The following MAP4K5 variants were observed in gnomAD, a reference collection of about 807,000 sequenced individuals.
MAP4K5 encodes MAPK/ERK kinase kinase kinase 5.
Under a neutral mutation model 135.6 loss-of-function variants are expected in MAP4K5, and 82 were observed. That is an observed-to-expected ratio of 0.60 (90% CI 0.51 to 0.73). The LOEUF (loss-of-function observed/expected upper bound fraction) is 0.73, where lower values mean the gene tolerates loss of function less well. MAP4K5 is among the 30% of genes least tolerant of loss of function. The pLI is 0.00. For synonymous variants in MAP4K5, 347 were observed against 335.0 expected (o/e 1.04, Z -0.39); for missense variants, 907 against 1,010.9 (o/e 0.90, Z 1.39).
In MAP4K5 at chr14:50,532,024, G is replaced by C. The variant is rs1487975784; in HGVS notation, c.26C>G (p.Ala9Gly). 7.6e-6 allele frequency: 12 copies of C among 1,583,214 alleles called. No homozygotes were observed. Among genetic ancestry groups the C allele is most frequent in the Admixed American group, 5.3e-5 (3 of 56,970 alleles). Residue 9 changes from alanine to glycine, a missense_variant, in exon 2 of 33, where the codon GCG (alanine) becomes GGG (glycine). Physicochemically the swap from Ala to Gly is moderately conservative, Grantham distance 60. Transcript: ENST00000682126. ...CTGCGGGTTCCGCCTCAGGATGTCC[G>C]CGGCAGGCCGCAGCGGGGCCTCCAT... MEAPLRPA[A>G]DILRRNPQQD...
intron 14 of MAP4K5, among the ~76,000 whole-genome samples, chr14:50,455,776 C>A (rs1161680567): frequency 6.6e-6 from 1 of 151,886 alleles, no homozygotes; most frequent in East Asian, 1.9e-4. Context: ...AGTCATAAAC[C>A]TTATTTTAAT....
chr14:50,529,187 A>G (rs1403748155), intron 2 of MAP4K5, among the ~76,000 whole-genome samples: 1 of 152,046 alleles, frequency 6.6e-6, no homozygotes, highest in Non-Finnish European at 1.5e-5. Flanking sequence ...GTTCGAGACC[A>G]GACTGGGAAA....
chr14:50,431,283 A>G (rs1280145338), intron 28 of MAP4K5, among the ~76,000 whole-genome samples: 1 of 152,120 alleles, frequency 6.6e-6, no homozygotes, highest in East Asian at 1.9e-4. Context: ...TTTAAGTTTT[A>G]GGGTACATGT....
At chr14:50,510,254 G>A (rs550028761) in intron 2 of MAP4K5, among the ~76,000 whole-genome samples, 2 of 152,286 alleles carry the variant, frequency 1.3e-5, no homozygotes, top group South Asian at 4.1e-4. Flanking sequence ...AATTAATTCT[G>A]ATTTTAGTCA....
chr14:50,490,512 T>C (rs2037461087), intron 3 of MAP4K5, among the ~76,000 whole-genome samples: 1 of 152,182 alleles, frequency 6.6e-6, no homozygotes, highest in Admixed American at 6.5e-5. Context: ...GCCTCCAACA[T>C]AGTGTTTCAA....
At chr14:50,513,976 C>G (rs1595534225) in intron 2 of MAP4K5, among the ~76,000 whole-genome samples, 1 of 152,324 alleles carries the variant, frequency 6.6e-6, no homozygotes, top group East Asian at 1.9e-4. Flanking sequence ...TACAAAGTAG[C>G]TGATTAATCC....
At chr14:50,420,148 A>T in intron 32 of MAP4K5, 42 bp from the exon 33 acceptor site, 1 of 1,039,236 alleles carries the variant, frequency 9.6e-7, no homozygotes, top group Non-Finnish European at 1.5e-6. Context: ...GTAACTACAG[A>T]TTTCATACAT....
At chr14:50,514,103 A>G (rs1013458325) in intron 2 of MAP4K5, among the ~76,000 whole-genome samples, 1 of 152,108 alleles carries the variant, frequency 6.6e-6, no homozygotes, top group Non-Finnish European at 1.5e-5. Context: ...TTTGAGGCCG[A>G]GTCTTGCTCT....
rs1444629394 is a variant in MAP4K5, at chr14:50,479,185, TC to T, written c.379-2880del. Reference sequence around the variant, plus strand: ...TTTCTCTTTGTCTCTTCATTCTCTCTCTTTTTTTTTTTCTCATTTTTGTCCC... The same window carrying T: ...TTTCTCTTTGTCTCTTCATTCTCTCTTTTTTTTTTTTCTCATTTTTGTCCC... On this transcript the variant is annotated intron_variant, in intron 6 of 32. Coordinates refer to ENST00000682126, the MANE Select transcript of MAP4K5 (RefSeq NM_006575.6). Among the ~76,000 whole-genome samples the T allele has an allele frequency of 2.7e-4, 5 of 18,484 alleles. No individual in the cohort carries two copies. In the Non-Finnish European group the frequency reaches 6.6e-3, roughly 24 times the overall value. 12.1% of individuals were successfully genotyped at this position (18,484 alleles called of 152,430 possible).
intron 23 of MAP4K5, among the ~76,000 whole-genome samples, chr14:50,439,270 CA>C (rs1036052877): frequency 6.9e-6 from 1 of 145,082 alleles, no homozygotes; most frequent in Non-Finnish European, 1.5e-5. Context: ...AAGCAATCAG[CA>C]AACTTCTTGG....
chr14:50,449,061 G>C, intron 14 of MAP4K5: 1 of 441,244 alleles, frequency 2.3e-6, no homozygotes, highest in Non-Finnish European at 4.0e-6. Flanking sequence ...TTTGGAATCA[G>C]GAAATTAAAC....
Position 50,498,055 on chromosome 14 carries a change from G to A in MAP4K5, c.166+6745C>T, listed in dbSNP as rs2037631037. 2.0e-5 allele frequency among the ~76,000 whole-genome samples: 3 copies of A among 152,182 alleles called. No individual in the cohort carries two copies. The South Asian group carries it at 6.2e-4, about 32-fold the overall frequency. ...GATGGTAAGTTTTCCCACAAACTTTGTTCCTGCTCTGGCTGTTGGCCACCA... is the reference window on the plus strand; with the variant it reads ...GATGGTAAGTTTTCCCACAAACTTTATTCCTGCTCTGGCTGTTGGCCACCA... On this transcript the variant is annotated intron_variant, in intron 3 of 32. Transcript: ENST00000682126.
At chr14:50,515,208 C>G (rs968420148) in intron 2 of MAP4K5, among the ~76,000 whole-genome samples, 2 of 152,054 alleles carry the variant, frequency 1.3e-5, no homozygotes, top group South Asian at 4.2e-4. Flanking sequence ...AGCCAGTCAT[C>G]CTTATTCTTT....
Position 50,476,122 on chromosome 14 carries a change from A to G in MAP4K5, c.469+6T>C, listed in dbSNP as rs757581202. 2 of 1,454,136 alleles carry G rather than the reference A, an allele frequency of 1.4e-6. No individual in the cohort carries two copies. Among genetic ancestry groups the G allele is most frequent in the South Asian group, 3.0e-5 (2 of 67,644 alleles). The allele number at this position is 1,454,136 out of a possible 1,614,324, so 90.1% of individuals were successfully genotyped here. On this transcript the variant is annotated splice_donor_region_variant and intron_variant, in intron 8 of 32. Transcript: ENST00000682126. ...GAAAAAATTTTAGGAATTTGAAATAACATACCTAATTTTACATCGCCATGG... is the reference window on the plus strand; with the variant it reads ...GAAAAAATTTTAGGAATTTGAAATAGCATACCTAATTTTACATCGCCATGG...
At chr14:50,521,458 T>C (rs967045127) in intron 2 of MAP4K5, among the ~76,000 whole-genome samples, 2 of 152,188 alleles carry the variant, frequency 1.3e-5, no homozygotes, top group Non-Finnish European at 2.9e-5. Flanking sequence ...TAGATTCAAG[T>C]CCTTACAGTG....
intron 30 of MAP4K5, 67 bp from the exon 31 acceptor site, chr14:50,426,044 A>C (rs2035838681): frequency 2.0e-6 from 2 of 1,006,486 alleles, no homozygotes; most frequent in Non-Finnish European, 3.0e-6. Context: ...AATTTTCTCT[A>C]CTTTTAATAA....
chr14:50,528,895 TA>T (rs985017015), intron 2 of MAP4K5, among the ~76,000 whole-genome samples: 6 of 152,150 alleles, frequency 3.9e-5, no homozygotes, highest in African/African-American at 1.4e-4. Context: ...GCCCAGAGCT[TA>T]AAAAATTCAG....
chr14:50,510,590 C>T (rs1050605899), intron 2 of MAP4K5, among the ~76,000 whole-genome samples: 5 of 152,056 alleles, frequency 3.3e-5, no homozygotes, highest in Admixed American at 6.5e-5. Context: ...CTAGAAAATG[C>T]TATGAAACTG....
At chr14:50,437,319 G>A (rs1313805295) in intron 26 of MAP4K5, among the ~76,000 whole-genome samples, 157 bp downstream of exon 26, 1 of 152,144 alleles carries the variant, frequency 6.6e-6, no homozygotes, top group Non-Finnish European at 1.5e-5. Context: ...TGCCATGTCT[G>A]TCTATATTCT....
Sources: allele counts gnomAD v4.1 joint callset (sites outside exome capture counted in the v4.1 genomes callset), GRCh38; gene constraint gnomAD v4.1.1; transcripts MANE v1.5; gene names NCBI Gene and HGNC (gene_info 2026-07-23, HGNC 2026-07-21).